Variants in CCNB2 observed in about 807,000 individuals in gnomAD.
CCNB2 encodes G2/mitotic-specific cyclin-B2.
In CCNB2, 39 loss-of-function variants were observed where a neutral mutation model predicts 51.1. The observed-to-expected ratio is 0.76, with a 90% CI of 0.59 to 1.00. The LOEUF (loss-of-function observed/expected upper bound fraction) is 1.00, where lower values mean the gene tolerates loss of function less well. Among genes scored for constraint, CCNB2 ranks in the 50% least tolerant of loss-of-function variants. CCNB2 has a pLI of 0.00. For missense variants in CCNB2, 472 were observed against 470.3 expected (o/e 1.00, Z -0.03); for synonymous variants, 174 against 165.5 (o/e 1.05, Z -0.40).
intron 3 of CCNB2, among the ~76,000 whole-genome samples, chr15:59,109,057 TA>T (rs2079247088): frequency 6.6e-6 from 1 of 152,130 alleles, no homozygotes; most frequent in Non-Finnish European, 1.5e-5. Flanking sequence ...TATATGTATA[TA>T]TTTTTGGGGG....
intron 7 of CCNB2, among the ~76,000 whole-genome samples, chr15:59,117,823 A>C (rs1295323165): frequency 6.6e-6 from 1 of 152,136 alleles, no homozygotes; most frequent in Admixed American, 6.6e-5. Flanking sequence ...GGAGAGGGGC[A>C]TGGGGGCTTG....
chr15:59,120,914 G>A (rs538096628), intron 7 of CCNB2: 65 of 152,226 alleles, frequency 4.3e-4, no homozygotes, highest in African/African-American at 1.4e-3. Flanking sequence ...GCCATGCCGT[G>A]TTGTGCAGTA....
chr15:59,118,831 A>G (rs1167664228), intron 7 of CCNB2, among the ~76,000 whole-genome samples: 2 of 152,242 alleles, frequency 1.3e-5, no homozygotes, highest in African/African-American at 4.8e-5. Context: ...TTGCCAGGAC[A>G]GATCAGCTGT....
At chr15:59,119,001 C>T (rs1010155953) in intron 7 of CCNB2, among the ~76,000 whole-genome samples, 20 of 151,958 alleles carry the variant, frequency 1.3e-4, no homozygotes, top group South Asian at 4.1e-4. Context: ...TTTTTTGGTA[C>T]GGGAGGAATA....
chr15:59,112,828 A>G (rs1162239817), intron 3 of CCNB2, among the ~76,000 whole-genome samples: 3 of 151,460 alleles, frequency 2.0e-5, no homozygotes, highest in African/African-American at 7.3e-5. Flanking sequence ...AGGTCAGGAG[A>G]TCGAGACCAT....
At chr15:59,117,163 C>A in intron 6 of CCNB2, 65 bp from the exon 7 acceptor site, 1 of 1,540,234 alleles carries the variant, frequency 6.5e-7, no homozygotes, top group Admixed American at 1.7e-5. Context: ...TAGGCCTTCA[C>A]GCAGAATTTT....
At chr15:59,105,405 T>G in intron 1 of CCNB2, 113 bp downstream of exon 1, 2 of 1,209,474 alleles carry the variant, frequency 1.7e-6, no homozygotes, top group Non-Finnish European at 1.2e-6. Flanking sequence ...TGCTTTTCTC[T>G]TCTCCGGAGC....
chr15:59,119,733 G>C (rs569175501), intron 7 of CCNB2, among the ~76,000 whole-genome samples: 2 of 152,072 alleles, frequency 1.3e-5, no homozygotes, highest in African/African-American at 4.8e-5. Context: ...TCTTATACAG[G>C]GTCTTGCTTT....
chr15:59,111,570 C>T (rs1336290197), intron 3 of CCNB2, among the ~76,000 whole-genome samples: 2 of 152,176 alleles, frequency 1.3e-5, no homozygotes, highest in Non-Finnish European at 2.9e-5. Context: ...TGATAAACTC[C>T]TTCAGTTTTT....
At position 59,113,393 on chromosome 15, in the gene CCNB2, C is replaced by G. The variant is rs139803447; in HGVS notation, c.268-1051C>G. On this transcript the variant is annotated intron_variant, in intron 3 of 8. Coordinates refer to ENST00000288207, the MANE Select transcript of CCNB2 (RefSeq NM_004701.4). ...TCTTCCATTTATTGAGCACCTACTA[C>G]GTATCAGGGATTATATAGATGTTTG... 9.9e-5 allele frequency among the ~76,000 whole-genome samples: 15 copies of G among 152,258 alleles called. 1 individual carries two copies. The highest frequency in any genetic ancestry group is 3.6e-4 in the African/African-American group (15 of 41,548).
rs2079280690 is a variant in CCNB2, at chr15:59,116,782, T to C, written c.690T>C (p.Ile230=). 6.2e-7 allele frequency: 1 copy of C among 1,614,082 alleles called. No homozygotes were observed. Among genetic ancestry groups the C allele is most frequent in the Non-Finnish European group, 8.5e-7 (1 of 1,179,964 alleles). ...SKYEEMFSPN[I]EDFVYITDNA... is the part of the protein sequence containing the mutation. ...ATGAGGAGATGTTTTCTCCAAATAT[T>C]GAAGACTTTGTTTACATCACAGACA... The change falls in exon 6 of 9, where the codon ATT becomes ATC. Residue 230 remains isoleucine (I), a synonymous_variant. Coordinates refer to ENST00000288207, the MANE Select transcript of CCNB2 (RefSeq NM_004701.4).
At chr15:59,112,401 G>A (rs1301903626) in intron 3 of CCNB2, among the ~76,000 whole-genome samples, 1 of 151,474 alleles carries the variant, frequency 6.6e-6, no homozygotes, top group Non-Finnish European at 1.5e-5. Flanking sequence ...CTGGAGTGCA[G>A]TGGTGTGATC....
At chr15:59,116,443 T>C (rs757057304) in intron 5 of CCNB2, among the ~76,000 whole-genome samples, 4 of 146,956 alleles carry the variant, frequency 2.7e-5, no homozygotes, top group Non-Finnish European at 4.5e-5. Flanking sequence ...GAATAAAATA[T>C]GCCTTTCCTA....
chr15:59,110,304 G>C (rs1339026991), intron 3 of CCNB2, among the ~76,000 whole-genome samples: 1 of 152,098 alleles, frequency 6.6e-6, no homozygotes, highest in East Asian at 1.9e-4. Flanking sequence ...ATCAATTCCA[G>C]GGTTGAAACA....
At chr15:59,116,521 C>G (rs558620195) in intron 5 of CCNB2, among the ~76,000 whole-genome samples, 169 bp from the exon 6 acceptor site, 1 of 84,488 alleles carries the variant, frequency 1.2e-5, no homozygotes, top group Non-Finnish European at 2.6e-5. Flanking sequence ...ACACAGTGCT[C>G]AATTACAGAT....
intron 3 of CCNB2, among the ~76,000 whole-genome samples, chr15:59,110,080 A>C (rs1196467943): frequency 1.3e-5 from 2 of 152,110 alleles, no homozygotes; most frequent in Non-Finnish European, 2.9e-5. Context: ...GAAGAAAAGA[A>C]GGCTTTTTTT....
chr15:59,124,968 T>TGTA lies in CCNB2; in HGVS notation c.*91_*92insGTA. 2.9e-6 allele frequency: 2 copies of TGTA among 701,620 alleles called. No homozygotes were observed. Among genetic ancestry groups the TGTA allele is most frequent in the Non-Finnish European group, 4.5e-6 (2 of 440,040 alleles). The allele number at this position is 701,620 out of a possible 1,614,324, so 43.5% of individuals were successfully genotyped here. On this transcript the variant is annotated 3_prime_UTR_variant, in exon 9 of 9. Coordinates refer to ENST00000288207, the MANE Select transcript of CCNB2 (RefSeq NM_004701.4). ...ATTTTGTACATAGTCCTCTGGTCTATCTCATGAAACCTCTTCTCAGACCAG... is the reference window on the plus strand; with the variant it reads ...ATTTTGTACATAGTCCTCTGGTCTATGTACTCATGAAACCTCTTCTCAGACCAG...
rs752722691 is a variant in CCNB2 at position 59,107,391 on chromosome 15, C to T, written c.94C>T (p.Arg32Ter). 9 of 1,611,952 alleles carry T rather than the reference C, an allele frequency of 5.6e-6. No homozygotes were observed. Among genetic ancestry groups the T allele is most frequent in the Admixed American group, 1.7e-5 (1 of 59,758 alleles). Reference protein sequence around the residue: ...SKVKSHVTIRRTVLEEIGNRV... With the variant: ...SKVKSHVTIR Reference sequence around the variant, plus strand: ...AGTTAAGAGTCATGTGACTATTAGGCGAACTGTTTTAGAAGAAATTGGAAA... The same window carrying T: ...AGTTAAGAGTCATGTGACTATTAGGTGAACTGTTTTAGAAGAAATTGGAAA... Residue 32 changes from arginine (R) to a stop codon, truncating the protein, a stop_gained, in exon 2 of 9, where the codon CGA (arginine) becomes TGA (stop). Transcript: ENST00000288207. LOFTEE classifies it high-confidence loss of function.
At chr15:59,112,572 T>G (rs1273972677) in intron 3 of CCNB2, among the ~76,000 whole-genome samples, 8 of 151,870 alleles carry the variant, frequency 5.3e-5, no homozygotes, top group African/African-American at 1.9e-4. Flanking sequence ...ATTTCAAACT[T>G]CTGACCTCGT....
Sources: gnomAD v4.1 joint callset for allele counts (sites outside exome capture counted in the v4.1 genomes callset) on GRCh38, gnomAD v4.1.1 for gene constraint, MANE v1.5 for transcripts, NCBI Gene and HGNC (gene_info 2026-07-23, HGNC 2026-07-21) for gene names.